The following SLIT2 variants were observed in gnomAD, a reference collection of about 807,000 sequenced individuals.
SLIT2 encodes the protein slit guidance ligand 2.
SLIT2 carries 41 observed loss-of-function variants against 185.7 expected under a neutral mutation model. That is an observed-to-expected ratio of 0.22 (90% CI 0.17 to 0.29). The LOEUF (loss-of-function observed/expected upper bound fraction) is 0.29. Ranked by LOEUF, SLIT2 falls within the 10% of genes least tolerant of loss-of-function variation. The pLI, the probability that SLIT2 is intolerant of heterozygous loss-of-function variation, is 1.00. For synonymous variants in SLIT2, 693 were observed against 680.2 expected (o/e 1.02, Z -0.29); for missense variants, 1,571 against 1,909.0 (o/e 0.82, Z 3.30).
chr4:20,439,715 A>G (rs1729602100), intron 4 of SLIT2, among the ~76,000 whole-genome samples: 1 of 152,178 alleles, frequency 6.6e-6, no homozygotes, highest in African/African-American at 2.4e-5. Context: ...TGACTTCATT[A>G]ATGGTAGGCC....
intron 4 of SLIT2, among the ~76,000 whole-genome samples, chr4:20,388,287 G>T (rs1725092744): frequency 6.6e-6 from 1 of 152,024 alleles, no homozygotes; most frequent in Non-Finnish European, 1.5e-5. Flanking sequence ...TAAAATATTT[G>T]CATATCTTAT....
intron 4 of SLIT2, among the ~76,000 whole-genome samples, chr4:20,292,150 C>T (rs910391156): frequency 2.6e-5 from 4 of 152,124 alleles, no homozygotes; most frequent in African/African-American, 9.7e-5. Flanking sequence ...GATGAATTCT[C>T]TTTTCCCCAT....
chr4:20,478,574 G>A (rs1716360218), intron 5 of SLIT2, among the ~76,000 whole-genome samples: 1 of 152,200 alleles, frequency 6.6e-6, no homozygotes, highest in African/African-American at 2.4e-5. Context: ...AGAAGAAGCT[G>A]TGTCAGCATT....
intron 26 of SLIT2, among the ~76,000 whole-genome samples, chr4:20,564,418 G>A (rs1045585246): frequency 2.0e-5 from 3 of 151,838 alleles, no homozygotes; most frequent in African/African-American, 4.8e-5. Context: ...AGAATTACAA[G>A]CTACATAAAA....
At chr4:20,281,366 C>T (rs894075913) in intron 4 of SLIT2, among the ~76,000 whole-genome samples, 6 of 152,048 alleles carry the variant, frequency 3.9e-5, no homozygotes, top group Non-Finnish European at 5.9e-5. Flanking sequence ...TTCATATTTG[C>T]GTTATAATTT....
intron 4 of SLIT2, among the ~76,000 whole-genome samples, chr4:20,301,061 T>C (rs564560769): frequency 1.3e-5 from 2 of 152,272 alleles, no homozygotes; most frequent in East Asian, 3.9e-4. Flanking sequence ...GAGCAACTCT[T>C]TAAAGGCTAT....
intron 4 of SLIT2, among the ~76,000 whole-genome samples, chr4:20,337,021 TA>T (rs1720563816): frequency 6.6e-6 from 1 of 152,186 alleles, no homozygotes; most frequent in Non-Finnish European, 1.5e-5. Flanking sequence ...CTATTCCTCT[TA>T]TAAGAGTTTT....
In SLIT2 at chr4:20,355,036, A is replaced by G. The variant is rs528860544; in HGVS notation, c.395+86155A>G. On this transcript the variant is annotated intron_variant, in intron 4 of 36. Coordinates refer to ENST00000504154, the MANE Select transcript of SLIT2 (RefSeq NM_004787.4). ...CCTCATTTTTAAGTTATTGCTTAAA[A>G]TGATTTGAAATATGTTTTCCTAATT... 1.2e-3 allele frequency among the ~76,000 whole-genome samples: 182 copies of G among 152,178 alleles called. 1 individual carries two copies. The highest frequency in any genetic ancestry group is 4.0e-3 in the African/African-American group (168 of 41,534).
intron 4 of SLIT2, among the ~76,000 whole-genome samples, chr4:20,315,700 A>G (rs1215261009): frequency 6.6e-6 from 1 of 152,068 alleles, no homozygotes; most frequent in Non-Finnish European, 1.5e-5. Context: ...TTAGGGTAGC[A>G]TTGGCATATG....
intron 8 of SLIT2, among the ~76,000 whole-genome samples, chr4:20,491,275 G>A (rs1481117954): frequency 3.3e-5 from 5 of 152,010 alleles, no homozygotes; most frequent in Non-Finnish European, 5.9e-5. Context: ...ACATTTATTG[G>A]CATATGATTA....
At chr4:20,517,808 A>G (rs989856826) in intron 11 of SLIT2, among the ~76,000 whole-genome samples, 1 of 152,012 alleles carries the variant, frequency 6.6e-6, no homozygotes, top group African/African-American at 2.4e-5. Flanking sequence ...TCTCTTGTAT[A>G]GTTATTTTCT....
chr4:20,389,390 A>G (rs1725232321), intron 4 of SLIT2, among the ~76,000 whole-genome samples: 1 of 152,126 alleles, frequency 6.6e-6, no homozygotes, highest in South Asian at 2.1e-4. Context: ...CACTTTGAGG[A>G]CTGCTACGCC....
intron 18 of SLIT2, among the ~76,000 whole-genome samples, chr4:20,538,497 C>A (rs1722506474): frequency 6.6e-6 from 1 of 152,168 alleles, no homozygotes; most frequent in African/African-American, 2.4e-5. Flanking sequence ...TTTAAAGTGA[C>A]ACTTTGTTTC....
chr4:20,383,555 C>A (rs1192175965), intron 4 of SLIT2, among the ~76,000 whole-genome samples: 1 of 152,152 alleles, frequency 6.6e-6, no homozygotes, highest in African/African-American at 2.4e-5. Flanking sequence ...CTTAAAAAGA[C>A]TTCCAGTCCC....
intron 33 of SLIT2, among the ~76,000 whole-genome samples, chr4:20,602,042 G>A (rs552577249): frequency 1.4e-4 from 21 of 152,216 alleles, no homozygotes; most frequent in African/African-American, 4.6e-4. Context: ...AAAATGAGGG[G>A]AAAGTAATAA....
Position 20,525,151 on chromosome 4 carries a change from A to G in SLIT2, c.1441A>G (p.Lys481Glu). Residue 481 changes from lysine (K) to glutamate (E), a missense_variant and splice_region_variant, in exon 15 of 37, where the codon AAA becomes GAA. By Grantham distance (56) the Lys-to-Glu change is moderately conservative (BLOSUM62 1). Transcript: ENST00000504154. Reference sequence around the variant, plus strand: ...TTTTTGTCTCTTTTTTTATTTAGCTAAAGAACAGTATTTCATTCCAGGTAG... The same window carrying G: ...TTTTTGTCTCTTTTTTTATTTAGCTGAAGAACAGTATTTCATTCCAGGTAG... ...IKSKKFRCSA[K>E]EQYFIPGTED... The G allele has an allele frequency of 1.2e-6, 2 of 1,607,696 alleles. No homozygotes were observed. The highest frequency in any genetic ancestry group is 1.7e-6 in the Non-Finnish European group (2 of 1,174,514).
chr4:20,413,784 A>G (rs979569273), intron 4 of SLIT2, among the ~76,000 whole-genome samples: 4 of 151,470 alleles, frequency 2.6e-5, no homozygotes, highest in Non-Finnish European at 5.9e-5. Context: ...TTTTATTTTC[A>G]ATCTATTTGT....
intron 4 of SLIT2, among the ~76,000 whole-genome samples, chr4:20,380,117 CTT>C (rs1395570002): frequency 6.6e-6 from 1 of 152,090 alleles, no homozygotes. Context: ...AAGAGAATGA[CTT>C]TGTTCTTACC....
chr4:20,476,192 G>A (rs1204225530), intron 5 of SLIT2, among the ~76,000 whole-genome samples: 1 of 151,956 alleles, frequency 6.6e-6, no homozygotes, highest in Non-Finnish European at 1.5e-5. Flanking sequence ...AGCATGATTG[G>A]CATAAATATT....
Sources: allele counts gnomAD v4.1 joint callset (sites outside exome capture counted in the v4.1 genomes callset), GRCh38; gene constraint gnomAD v4.1.1; transcripts MANE v1.5; gene names NCBI Gene and HGNC (gene_info 2026-07-23, HGNC 2026-07-21).